The following STK31 variants were observed in gnomAD, a reference collection of about 807,000 sequenced individuals.
STK31 encodes the protein serine/threonine kinase 31.
STK31 carries 89 observed loss-of-function variants against 129.7 expected under a neutral mutation model. That is an observed-to-expected ratio of 0.69 (90% CI 0.58 to 0.82). STK31 has a LOEUF of 0.82. STK31 is among the 40% of genes least tolerant of loss of function. The probability of loss-of-function intolerance (pLI) is 0.00; values close to 1 mark genes in which losing one functional copy is unlikely to be tolerated. For synonymous variants in STK31, 448 were observed against 395.3 expected (o/e 1.13, Z -1.58); for missense variants, 1,187 against 1,176.4 (o/e 1.01, Z -0.13).
At chr7:23,786,737 C>A in intron 19 of STK31, 101 bp from the exon 20 acceptor site, 1 of 1,539,612 alleles carries the variant, frequency 6.5e-7, no homozygotes, top group Non-Finnish European at 8.8e-7. Context: ...CAGTTCATTC[C>A]CCTTAACATA....
intron 8 of STK31, among the ~76,000 whole-genome samples, chr7:23,751,335 T>C (rs1225162946): frequency 2.0e-5 from 3 of 152,206 alleles, no homozygotes; most frequent in African/African-American, 7.2e-5. Flanking sequence ...GGAGTGCATG[T>C]TAATTCCTTT....
chr7:23,714,336 G>T (rs1422038418), intron 3 of STK31, among the ~76,000 whole-genome samples: 1 of 152,182 alleles, frequency 6.6e-6, no homozygotes, highest in African/African-American at 2.4e-5. Flanking sequence ...TCTCAACAGT[G>T]TCCCAGGGTG....
chr7:23,724,971 C>T (rs1786964597), intron 4 of STK31, among the ~76,000 whole-genome samples: 1 of 152,138 alleles, frequency 6.6e-6, no homozygotes, highest in Non-Finnish European at 1.5e-5. Context: ...ATTTTATAAT[C>T]CATAACTTAA....
At chr7:23,811,284 G>C (rs1039654061) in intron 22 of STK31, 3 of 394,746 alleles carry the variant, frequency 7.6e-6, no homozygotes, top group Admixed American at 2.7e-5. Context: ...AAATTAGCAA[G>C]TATGTGCTTG....
rs1026656659 is a variant in STK31, at chr7:23,788,069, T to C, written c.2577T>C (p.Asn859=). 5.0e-6 allele frequency: 8 copies of C among 1,613,184 alleles called. No individual in the cohort carries two copies. Among genetic ancestry groups the C allele is most frequent in the South Asian group, 1.1e-5 (1 of 90,898 alleles). ...TTCATGGATCACTTCATCAGAACAA[T>C]GTATTTGCTTTAAACCGTGAACAAG... is the stretch of plus-strand genomic sequence containing the variant. ...DIIHGSLHQN[N]VFALNREQGI... Residue 859 remains asparagine (N), a synonymous_variant, in exon 21 of 24, where the codon AAT becomes AAC. Transcript: ENST00000355870.
At chr7:23,788,767 A>T (rs187993313) in intron 21 of STK31, among the ~76,000 whole-genome samples, 1 of 152,186 alleles carries the variant, frequency 6.6e-6, no homozygotes, top group Admixed American at 6.5e-5. Flanking sequence ...GTATGTATAC[A>T]ATGTGGAGTG....
intron 23 of STK31, among the ~76,000 whole-genome samples, chr7:23,829,330 T>C (rs934162702): frequency 6.6e-6 from 1 of 152,192 alleles, no homozygotes; most frequent in Non-Finnish European, 1.5e-5. Flanking sequence ...GCTTTTATCA[T>C]AAAGGGATGT....
chr7:23,819,460 G>A (rs1394712771), intron 23 of STK31, among the ~76,000 whole-genome samples: 3 of 151,290 alleles, frequency 2.0e-5, no homozygotes, highest in Non-Finnish European at 4.4e-5. Flanking sequence ...TGGTTGCCAA[G>A]GCTGAAGTGC....
intron 23 of STK31, among the ~76,000 whole-genome samples, chr7:23,823,177 C>A (rs1403305259): frequency 6.6e-6 from 1 of 152,202 alleles, no homozygotes. Flanking sequence ...GCCACACCGA[C>A]TTCCACAATG....
At chr7:23,738,361 A>G (rs1787843701) in intron 8 of STK31, among the ~76,000 whole-genome samples, 1 of 150,240 alleles carries the variant, frequency 6.7e-6, no homozygotes, top group African/African-American at 2.5e-5. Context: ...CCCAAATCTC[A>G]TTCAGAGTAT....
At chr7:23,737,183 C>A in intron 8 of STK31, 105 bp downstream of exon 8, 3 of 1,019,454 alleles carry the variant, frequency 2.9e-6, no homozygotes, top group Non-Finnish European at 3.9e-6. Context: ...CCACCTCATT[C>A]TCTCCTTTGC....
At chr7:23,832,081 A>G (rs1583358767) in intron 23 of STK31, 55 bp from the exon 24 acceptor site, 19 of 1,304,652 alleles carry the variant, frequency 1.5e-5, no homozygotes, top group Middle Eastern at 3.7e-4. Context: ...TTCCTTCTTC[A>G]TTACAGATTT....
At chr7:23,722,328 C>T (rs1434356315) in intron 4 of STK31, 1 of 153,360 alleles carries the variant, frequency 6.5e-6, no homozygotes, top group Non-Finnish European at 1.4e-5. Context: ...AGCTGCAGGT[C>T]TGTTGGAGTT....
chr7:23,769,583 C>A, intron 12 of STK31, 57 bp from the exon 13 acceptor site: 1 of 1,193,810 alleles, frequency 8.4e-7, no homozygotes. Context: ...TATTAAGGCA[C>A]GATGAATGCT....
At chr7:23,739,495 A>G (rs1231900862) in intron 8 of STK31, among the ~76,000 whole-genome samples, 1 of 152,062 alleles carries the variant, frequency 6.6e-6, no homozygotes, top group Non-Finnish European at 1.5e-5. Context: ...CCATTTGTCT[A>G]TTTTGGCTCT....
In STK31 at chr7:23,786,823, T is replaced by C; in HGVS notation, c.2401-15T>C. 1 of 1,605,208 alleles carries C rather than the reference T, an allele frequency of 6.2e-7. No homozygotes were observed. The highest frequency in any genetic ancestry group is 2.2e-5 in the East Asian group (1 of 44,834). On this transcript the variant is annotated splice_polypyrimidine_tract_variant and intron_variant, in intron 19 of 23. Transcript: ENST00000355870. The stretch of plus-strand genomic sequence containing the variant: ...AGTTTTTACTTGGAGTCACATTCTC[T>C]GTTTTGCTTCTTAGTCTGATCCTAT...
intron 23 of STK31, among the ~76,000 whole-genome samples, chr7:23,825,613 A>T (rs1389824162): frequency 6.6e-6 from 1 of 152,034 alleles, no homozygotes; most frequent in Non-Finnish European, 1.5e-5. Flanking sequence ...TTCTGCTCTA[A>T]TCTTAGTTAT....
chr7:23,759,043 G>A (rs1176858171), intron 10 of STK31, among the ~76,000 whole-genome samples: 2 of 152,106 alleles, frequency 1.3e-5, no homozygotes, highest in Non-Finnish European at 2.9e-5. Flanking sequence ...AAAAGACAAA[G>A]GCATTACGTA....
chr7:23,740,744 T>C (rs1424040938), intron 8 of STK31, among the ~76,000 whole-genome samples: 1 of 151,898 alleles, frequency 6.6e-6, no homozygotes, highest in Non-Finnish European at 1.5e-5. Flanking sequence ...GAACATGCGG[T>C]GTTTGGTTTT....
Sources: gnomAD v4.1 joint callset for allele counts (sites outside exome capture counted in the v4.1 genomes callset) on GRCh38, gnomAD v4.1.1 for gene constraint, MANE v1.5 for transcripts, NCBI Gene and HGNC (gene_info 2026-07-23, HGNC 2026-07-21) for gene names.